SALL2: variants seen among roughly 807,000 people sequenced by gnomAD.
SALL2 encodes the protein sal-like protein 2.
A neutral mutation model predicts 58.5 loss-of-function variants in SALL2; 32 were observed. The observed-to-expected ratio is 0.55, with a 90% CI of 0.41 to 0.74. The LOEUF is 0.74. Among genes scored for constraint, SALL2 ranks in the 30% least tolerant of loss-of-function variants. The probability of loss-of-function intolerance (pLI) is 0.00; values close to 1 mark genes in which losing one functional copy is unlikely to be tolerated. For synonymous variants in SALL2, 516 were observed against 513.6 expected, an observed-to-expected ratio of 1.00 and a Z score of -0.06; for missense variants, 1,201 against 1,268.9, an observed-to-expected ratio of 0.95 and a Z score of 0.81.
chr14:21,526,553 G>A (rs1217710951), upstream of SALL2: 22 of 1,101,746 alleles, frequency 2.0e-5, no homozygotes, highest in Non-Finnish European at 2.5e-5. Flanking sequence ...CCCCCCATCT[G>A]CAGATGCCTT....
upstream of SALL2, among the ~76,000 whole-genome samples, chr14:21,530,340 T>G (rs1458052680): frequency 7.5e-6 from 1 of 132,846 alleles, no homozygotes; most frequent in Non-Finnish European, 1.5e-5. Flanking sequence ...CAGGCTGGAG[T>G]GCAATGGCAT....
rs755226980 is a variant in SALL2 at position 21,524,117 on chromosome 14, A to G, written c.1605T>C (p.Ser535=). 6.2e-6 allele frequency: 10 copies of G among 1,613,272 alleles called. No homozygotes were observed. The highest frequency in any genetic ancestry group is 1.7e-5 in the Admixed American group (1 of 59,950). ...TTGCCGTGCTACTTTCTGCCACTCCACTGATGGCTGAGCCCTCACTCCCTG... is the reference window on the plus strand; with the variant it reads ...TTGCCGTGCTACTTTCTGCCACTCCGCTGATGGCTGAGCCCTCACTCCCTG... The part of the protein sequence containing the change: ...TPPGSEGSAI[S]GVAESSTATR... Residue 535 remains serine (S), a synonymous_variant, in exon 2 of 2, where the codon AGT becomes AGC. Coordinates refer to ENST00000537235, the MANE Select transcript of SALL2 (RefSeq NM_001364564.1).
upstream of SALL2, among the ~76,000 whole-genome samples, chr14:21,530,883 A>T (rs1246468961): frequency 6.6e-6 from 1 of 152,256 alleles, no homozygotes; most frequent in Non-Finnish European, 1.5e-5. Context: ...AAGTGCTGAG[A>T]GTACAGATGT....
At chr14:21,532,834 G>A (rs1223040693) in intron 1 of SALL2, among the ~76,000 whole-genome samples, 2 of 151,824 alleles carry the variant, frequency 1.3e-5, no homozygotes, top group Admixed American at 6.6e-5. Flanking sequence ...GTGGTGGCGG[G>A]CGCCTGTAGT....
upstream of SALL2, among the ~76,000 whole-genome samples, chr14:21,529,348 G>A (rs1235181143): frequency 2.0e-5 from 3 of 152,124 alleles, no homozygotes; most frequent in African/African-American, 7.2e-5. Flanking sequence ...GGGAAACCAG[G>A]TGGCTTCCCT....
rs1892237376 is a variant in SALL2, at chr14:21,525,167, C to A, written c.555G>T (p.Arg185=). The A allele has an allele frequency of 2.5e-6, 4 of 1,614,068 alleles. No individual in the cohort carries two copies. The highest frequency in any genetic ancestry group is 3.4e-6 in the Non-Finnish European group (4 of 1,179,982). ...GATGGATCTGCCGCTGCTGCAGCACCCGTAGCTCTTCCAAGATCAGGGGGA... is the reference window on the plus strand; with the variant it reads ...GATGGATCTGCCGCTGCTGCAGCACACGTAGCTCTTCCAAGATCAGGGGGA... The part of the protein sequence containing the change: ...LNIPLILEEL[R]VLQQRQIHQM... The change falls in exon 2 of 2, where the codon CGG becomes CGT. Residue 185 remains arginine (R), a synonymous_variant. Coordinates refer to ENST00000537235, the MANE Select transcript of SALL2 (RefSeq NM_001364564.1). This position sits in a 1 kb window ranked among gnomAD's most constrained non-coding sequence, Gnocchi z 4.4.
rs1405986221 is a variant in SALL2 at position 21,524,725 on chromosome 14, C to T, written c.997G>A (p.Ala333Thr). The T allele has an allele frequency of 6.2e-7, 1 of 1,612,392 alleles. No homozygotes were observed. The stretch of plus-strand genomic sequence containing the variant: ...GCAGTGGCCTCAAGGCCTCGGGCTG[C>T]CCCAAGACACTGTGCTGCCAGTAGT... ...TGLLAAQCLGAARGLEATASP... is the reference protein window; with the variant it reads ...TGLLAAQCLGTARGLEATASP... Residue 333 changes from alanine (A) to threonine (T), a missense_variant, in exon 2 of 2, where the codon GCA becomes ACA. Transcript: ENST00000537235.
intron 1 of SALL2, among the ~76,000 whole-genome samples, chr14:21,531,893 C>A (rs1892475862): frequency 6.6e-6 from 1 of 151,894 alleles, no homozygotes; most frequent in African/African-American, 2.4e-5. Context: ...TCACACCCAG[C>A]TAATTTTTGT....
intron 1 of SALL2, among the ~76,000 whole-genome samples, chr14:21,532,759 C>T (rs1160443840): frequency 2.6e-5 from 4 of 151,718 alleles, no homozygotes; most frequent in Non-Finnish European, 4.4e-5. Flanking sequence ...GTCAGGAGAT[C>T]GAGACCATCC....
intron 1 of SALL2, among the ~76,000 whole-genome samples, chr14:21,534,840 C>G (rs1374284507): frequency 6.6e-6 from 1 of 152,104 alleles, no homozygotes; most frequent in Non-Finnish European, 1.5e-5. Flanking sequence ...CATAGAACCT[C>G]TAAATATGGG....
upstream of SALL2, among the ~76,000 whole-genome samples, chr14:21,531,244 A>G (rs1352249445): frequency 6.6e-6 from 1 of 152,234 alleles, no homozygotes; most frequent in African/African-American, 2.4e-5. Flanking sequence ...AAAGGACTCA[A>G]CACTTAACAT....
chr14:21,525,328 C>A lies in SALL2; in HGVS notation c.394G>T (p.Ala132Ser). The A allele has an allele frequency of 6.2e-7, 1 of 1,613,904 alleles. No individual in the cohort carries two copies. Among genetic ancestry groups the A allele is most frequent in the Non-Finnish European group, 8.5e-7 (1 of 1,179,874 alleles). The change falls in exon 2 of 2, where the codon GCT becomes TCT. Residue 132 changes from alanine to serine, a missense_variant. Physicochemically the swap from Ala to Ser is moderately conservative, Grantham distance 99. Coordinates refer to ENST00000537235, the MANE Select transcript of SALL2 (RefSeq NM_001364564.1). This position sits in a 1 kb window ranked among gnomAD's most constrained non-coding sequence, Gnocchi z 4.4. The stretch of plus-strand genomic sequence containing the variant: ...AAGATCAGGCCCCCGCCTCCCCCAG[C>A]CGCTGTACCTGTGGCAGCGACCAGG... ...HFLVAATGTA[A>S]GGGGGLILAS...
chr14:21,522,137 T>G lies in SALL2; in HGVS notation c.*567A>C. On this transcript the variant is annotated 3_prime_UTR_variant, in exon 2 of 2. Coordinates refer to ENST00000537235, the MANE Select transcript of SALL2 (RefSeq NM_001364564.1). ...GAGGCACCTTCCCAGCCACAGTTCCTAGGCCAAACAGCACTGGTGGGGCCA... is the reference window on the plus strand; with the variant it reads ...GAGGCACCTTCCCAGCCACAGTTCCGAGGCCAAACAGCACTGGTGGGGCCA... 6.3e-7 allele frequency: 1 copy of G among 1,598,048 alleles called. No homozygotes were observed. The highest frequency in any genetic ancestry group is 1.1e-5 in the South Asian group (1 of 90,948).
chr14:21,522,513 T>G lies in SALL2; in HGVS notation c.*191A>C. On this transcript the variant is annotated 3_prime_UTR_variant, in exon 2 of 2. Transcript: ENST00000537235. ...ACAAAGAATGAGGAGGGAAGAAAAA[T>G]TCCTTAGGGGGCCATCCCCTTGTAA... 7.2e-7 allele frequency: 1 copy of G among 1,382,906 alleles called. No homozygotes were observed. The highest frequency in any genetic ancestry group is 3.2e-5 in the Admixed American group (1 of 31,388). The allele number at this position is 1,382,906 out of a possible 1,614,324, so 85.7% of individuals were successfully genotyped here.
upstream of SALL2, among the ~76,000 whole-genome samples, chr14:21,530,281 C>CTTTTTTTTTTTTTTTTTTTTTTT (rs34598628): frequency 3.1e-5 from 2 of 64,854 alleles, no homozygotes; most frequent in Non-Finnish European, 5.4e-5. Flanking sequence ...TTTTTTCTTT[C>CTTTTTTTTTTTTTTTTTTTTTTT]TTTTTTTTTT....
chr14:21,525,713 G>T lies in SALL2; in HGVS notation c.68-59C>A. ...GCGCAGTTGGGTTGGGTATACCGAG[G>T]CTCTAATTAACAAGGAGGCCAGTAA... On this transcript the variant is annotated intron_variant, in intron 1 of 1. Coordinates refer to ENST00000537235, the MANE Select transcript of SALL2 (RefSeq NM_001364564.1). The surrounding 1 kb of genome is among the most constrained non-coding windows in gnomAD (Gnocchi z 4.4). The T allele has an allele frequency of 6.6e-7, 1 of 1,511,474 alleles. No individual in the cohort carries two copies. The highest frequency in any genetic ancestry group is 1.4e-5 in the African/African-American group (1 of 71,584). 93.6% of individuals were successfully genotyped at this position (1,511,474 alleles called of 1,614,324 possible).
At chr14:21,528,041 G>C (rs1892369258), upstream of SALL2, among the ~76,000 whole-genome samples, 1 of 151,884 alleles carries the variant, frequency 6.6e-6, no homozygotes, top group Non-Finnish European at 1.5e-5. Flanking sequence ...GGGCAGCTGA[G>C]CCAGGAGAAT....
In SALL2 at chr14:21,522,547, A is replaced by G; in HGVS notation, c.*157T>C. On this transcript the variant is annotated 3_prime_UTR_variant, in exon 2 of 2. Transcript: ENST00000537235. ...GGGCCATCCCCTTGTAAGCACAGTAATTTCCAAGCTCAGGGACTACAGAAA... is the reference window on the plus strand; with the variant it reads ...GGGCCATCCCCTTGTAAGCACAGTAGTTTCCAAGCTCAGGGACTACAGAAA... 7.2e-7 allele frequency: 1 copy of G among 1,391,490 alleles called. No individual in the cohort carries two copies. The highest frequency in any genetic ancestry group is 9.3e-7 in the Non-Finnish European group (1 of 1,076,448). 86.2% of individuals were successfully genotyped at this position (1,391,490 alleles called of 1,614,324 possible).
At chr14:21,535,319 T>G (rs1398676948) in intron 1 of SALL2, among the ~76,000 whole-genome samples, 1 of 141,916 alleles carries the variant, frequency 7.0e-6, no homozygotes, top group African/African-American at 2.6e-5. Context: ...CACTCCAACC[T>G]GGGCGACAGA....
Sources: allele counts gnomAD v4.1 joint callset (sites outside exome capture counted in the v4.1 genomes callset), GRCh38; gene constraint gnomAD v4.1.1; non-coding constraint Gnocchi (gnomAD v3.1); transcripts MANE v1.5; gene names NCBI Gene and HGNC (gene_info 2026-07-23, HGNC 2026-07-21).